AFF2: variants seen among roughly 807,000 people sequenced by gnomAD.
AFF2 encodes ALF transcription elongation factor 2, also known as AF4/FMR2 family member 2.
AFF2 carries 14 observed loss-of-function variants against 76.9 expected under a neutral mutation model. That is an observed-to-expected ratio of 0.18 (90% CI 0.12 to 0.28). AFF2 has a LOEUF of 0.28. Ranked by LOEUF, AFF2 falls within the 10% of genes least tolerant of loss-of-function variation. The pLI is 1.00. For synonymous variants in AFF2, 398 were observed against 366.7 expected, an observed-to-expected ratio of 1.09 and a Z score of -0.98; for missense variants, 868 against 1,001.1, an observed-to-expected ratio of 0.87 and a Z score of 1.79.
At chrX:148,976,247 A>G (rs1264444444) in intron 16 of AFF2, among the ~76,000 whole-genome samples, 1 of 111,601 alleles carries the variant, frequency 9.0e-6, no homozygotes, top group Non-Finnish European at 1.9e-5. Flanking sequence ...GTTCCTGTGT[A>G]TTCTTCACCC....
intron 3 of AFF2, among the ~76,000 whole-genome samples, chrX:148,665,124 T>C (rs1206649726): frequency 1.8e-5 from 2 of 112,162 alleles, no homozygotes; most frequent in Non-Finnish European, 1.9e-5. Context: ...CCTGTTTCCA[T>C]ACCTCATTAG....
intron 9 of AFF2, among the ~76,000 whole-genome samples, chrX:148,920,042 G>GT (rs1204096250): frequency 8.9e-6 from 1 of 112,141 alleles, no homozygotes; most frequent in Non-Finnish European, 1.9e-5. Flanking sequence ...ACACTGTGAT[G>GT]TAAAAAAAAC....
At chrX:148,762,018 T>TAGATATAGATAGATAG (rs1569555075) in intron 3 of AFF2, among the ~76,000 whole-genome samples, 2 of 109,994 alleles carry the variant, frequency 1.8e-5, no homozygotes, top group African/African-American at 3.3e-5. Flanking sequence ...TAGATAGATA[T>TAGATATAGATAGATAG]ATATTTTAGG....
At chrX:148,668,509 G>A (rs1324082465) in intron 3 of AFF2, among the ~76,000 whole-genome samples, 1 of 112,557 alleles carries the variant, frequency 8.9e-6, no homozygotes, top group Admixed American at 9.3e-5. Flanking sequence ...GGGTATCCAG[G>A]CATTTCCATA....
intron 3 of AFF2, among the ~76,000 whole-genome samples, chrX:148,669,152 T>C (rs955401165): frequency 1.8e-5 from 2 of 111,539 alleles, no homozygotes; most frequent in African/African-American, 6.5e-5. Flanking sequence ...TTTGCTCCAG[T>C]CCCCAACAAG....
At chrX:148,973,349 C>G (rs2072282287) in intron 15 of AFF2, 122 bp from the exon 16 acceptor site, 3 of 889,347 alleles carry the variant, frequency 3.4e-6, no homozygotes, top group Non-Finnish European at 4.8e-6. Context: ...GAAAGTGTCT[C>G]CAGACATTGC....
At chrX:148,558,612 A>G (rs1365521833) in intron 1 of AFF2, among the ~76,000 whole-genome samples, 1 of 111,846 alleles carries the variant, frequency 8.9e-6, no homozygotes, top group Non-Finnish European at 1.9e-5. Flanking sequence ...ATAAGAAAAG[A>G]GACAGAAAAG....
chrX:148,975,152 T>C (rs1557290064), intron 16 of AFF2, among the ~76,000 whole-genome samples: 3 of 112,217 alleles, frequency 2.7e-5, no homozygotes, highest in Admixed American at 9.4e-5. Context: ...TTATTGTAAA[T>C]TGAGGGCAAT....
At chrX:148,765,539 A>C (rs1482270285) in intron 3 of AFF2, among the ~76,000 whole-genome samples, 4 of 111,719 alleles carry the variant, frequency 3.6e-5, no homozygotes, top group African/African-American at 9.7e-5. Flanking sequence ...CATAAACAAA[A>C]TAGATCTTAG....
chrX:148,631,783 C>T (rs2053983576), intron 1 of AFF2, among the ~76,000 whole-genome samples: 1 of 112,009 alleles, frequency 8.9e-6, no homozygotes, highest in African/African-American at 3.2e-5. Flanking sequence ...GGGAGATAGC[C>T]TCAGAACAGC....
chrX:148,518,966 A>C (rs782479752), intron 1 of AFF2, among the ~76,000 whole-genome samples: 18 of 112,222 alleles, frequency 1.6e-4, no homozygotes, highest in Non-Finnish European at 1.9e-4. Flanking sequence ...AGCATCATAC[A>C]TCAAAATTAA....
chrX:148,930,668 G>A, intron 9 of AFF2, among the ~76,000 whole-genome samples: 1 of 112,383 alleles, frequency 8.9e-6, no homozygotes, highest in South Asian at 3.7e-4. Context: ...CCACGTATGT[G>A]TATCACAAAT....
At chrX:148,754,390 T>C (rs2055536298) in intron 3 of AFF2, among the ~76,000 whole-genome samples, 1 of 110,904 alleles carries the variant, frequency 9.0e-6, no homozygotes, top group African/African-American at 3.3e-5. Context: ...TAAAGTCTTT[T>C]TTTTTTTCTC....
chrX:148,697,082 AG>A (rs2054730172), intron 3 of AFF2, among the ~76,000 whole-genome samples: 1 of 112,171 alleles, frequency 8.9e-6, no homozygotes, highest in Non-Finnish European at 1.9e-5. Flanking sequence ...GTTTTGGAAA[AG>A]TTTAGTGGTA....
chrX:148,538,017 A>G (rs1455730798), intron 1 of AFF2, among the ~76,000 whole-genome samples: 1 of 112,418 alleles, frequency 8.9e-6, no homozygotes, highest in East Asian at 2.8e-4. Context: ...AAATAGACTC[A>G]GACGTGGGCC....
chrX:148,607,049 A>G (rs1158925792), intron 1 of AFF2, among the ~76,000 whole-genome samples: 1 of 111,405 alleles, frequency 9.0e-6, no homozygotes, highest in Non-Finnish European at 1.9e-5. Flanking sequence ...GTCATAGACG[A>G]CAAGATGTAA....
Position 148,501,603 on chromosome X carries a change from T to C in AFF2, c.47+459T>C, listed in dbSNP as rs1036171464. Among the ~76,000 whole-genome samples the C allele has an allele frequency of 2.7e-5, 3 of 113,127 alleles. No homozygotes were observed. In the South Asian group the frequency reaches 1.1e-3, roughly 40 times the overall value. ...TGCGGCCAGCAGCCCTCTGCTTCCTTGGTGGCCACCGCCCCCGCTGCCGCC... is the reference window on the plus strand; with the variant it reads ...TGCGGCCAGCAGCCCTCTGCTTCCTCGGTGGCCACCGCCCCCGCTGCCGCC... On this transcript the variant is annotated intron_variant, in intron 1 of 20. Coordinates refer to ENST00000370460, the MANE Select transcript of AFF2 (RefSeq NM_002025.4).
rs781911629 is a variant in AFF2, at chrX:148,987,244, A to G, written c.3624-123A>G. On this transcript the variant is annotated intron_variant, in intron 19 of 20. Coordinates refer to ENST00000370460, the MANE Select transcript of AFF2 (RefSeq NM_002025.4). ...TGATGGGGCTTCACATGTGTACGCTATGCTAAACTTCACTCCAGCAAATGG... is the reference window on the plus strand; with the variant it reads ...TGATGGGGCTTCACATGTGTACGCTGTGCTAAACTTCACTCCAGCAAATGG... The G allele has an allele frequency of 3.6e-4, 217 of 609,048 alleles. No individual in the cohort carries two copies. The African/African-American group carries it at 4.6e-3, about 13-fold the overall frequency. The allele number at this position is 609,048 out of a possible 1,213,427, so 50.2% of individuals were successfully genotyped here.
chrX:148,623,796 C>G (rs2053895344), intron 1 of AFF2, among the ~76,000 whole-genome samples: 2 of 110,295 alleles, frequency 1.8e-5, no homozygotes, highest in South Asian at 7.7e-4. Context: ...CTGCATCAAG[C>G]TAGAAAAGCA....
Sources: gnomAD v4.1 joint callset for allele counts (sites outside exome capture counted in the v4.1 genomes callset) on GRCh38, gnomAD v4.1.1 for gene constraint, MANE v1.5 for transcripts, NCBI Gene and HGNC (gene_info 2026-07-23, HGNC 2026-07-21) for gene names.